FAIM2: variants seen among roughly 807,000 people sequenced by gnomAD.
The protein encoded by FAIM2 is protein lifeguard 2.
FAIM2 carries 27 observed loss-of-function variants against 47.4 expected under a neutral mutation model. That is an observed-to-expected ratio of 0.57 (90% CI 0.42 to 0.78). The LOEUF (loss-of-function observed/expected upper bound fraction) is 0.78, where lower values mean the gene tolerates loss of function less well. Among genes scored for constraint, FAIM2 ranks in the 30% least tolerant of loss-of-function variants. FAIM2 has a pLI of 0.00. For synonymous variants in FAIM2, 156 were observed against 159.3 expected (o/e 0.98, Z 0.16); for missense variants, 311 against 389.4 (o/e 0.80, Z 1.69).
At chr12:49,883,471 G>T (rs939408130) in intron 11 of FAIM2, among the ~76,000 whole-genome samples, 1 of 152,006 alleles carries the variant, frequency 6.6e-6, no homozygotes, top group Non-Finnish European at 1.5e-5. Context: ...GATGGGGAAG[G>T]CTTTGGGAAA....
intron 11 of FAIM2, among the ~76,000 whole-genome samples, chr12:49,886,903 G>A (rs539485792): frequency 1.3e-5 from 2 of 152,260 alleles, no homozygotes; most frequent in African/African-American, 2.4e-5. Flanking sequence ...TATCCTAACC[G>A]TAATCATCAT....
At chr12:49,880,393 TGTGA>T in intron 11 of FAIM2, among the ~76,000 whole-genome samples, 1 of 151,730 alleles carries the variant, frequency 6.6e-6, no homozygotes, top group Non-Finnish European at 1.5e-5. Context: ...TATGTGTGCA[TGTGA>T]GTGTATGTAT....
intron 11 of FAIM2, among the ~76,000 whole-genome samples, chr12:49,880,398 GTGTA>G (rs1334984138): frequency 6.6e-5 from 10 of 151,686 alleles, no homozygotes; most frequent in East Asian, 3.9e-4. Context: ...GTGCATGTGA[GTGTA>G]TGTATGTGCA....
intron 11 of FAIM2, among the ~76,000 whole-genome samples, chr12:49,876,030 G>A (rs917661554): frequency 2.0e-5 from 3 of 152,178 alleles, no homozygotes; most frequent in Admixed American, 6.5e-5. Flanking sequence ...GCAGTAAGTG[G>A]AATAAAATAT....
In FAIM2 at chr12:49,878,716, G is replaced by A. The variant is rs529401504; in HGVS notation, c.802-8063C>T. Among the ~76,000 whole-genome samples, 355 of 100,572 alleles carry A rather than the reference G, an allele frequency of 3.5e-3. 37 individuals are homozygous for A. Among genetic ancestry groups the A allele is most frequent in the Non-Finnish European group, 2.9e-3 (169 of 58,162 alleles). The allele number at this position is 100,572 out of a possible 152,430, so 66.0% of individuals were successfully genotyped here. ...TGTATGTGCATGTGTGCATATATGC[G>A]TGTGTGTCTGTGTGCATGTGAGTGT... On this transcript the variant is annotated intron_variant, in intron 11 of 11. Coordinates refer to ENST00000320634, the MANE Select transcript of FAIM2 (RefSeq NM_012306.4).
chr12:49,874,713 C>T lies in FAIM2; in HGVS notation c.802-4060G>A, dbSNP rs1946724353. Among the ~76,000 whole-genome samples the T allele has an allele frequency of 2.0e-5, 3 of 152,224 alleles. No individual in the cohort carries two copies. Among genetic ancestry groups the T allele is most frequent in the African/African-American group, 7.2e-5 (3 of 41,462 alleles). The stretch of plus-strand genomic sequence containing the variant: ...AAGCTGGGGTTGCAATGTGTTGTAT[C>T]AGCATAAACAGTGCCACGTGGACTG... On this transcript the variant is annotated intron_variant, in intron 11 of 11. Coordinates refer to ENST00000320634, the MANE Select transcript of FAIM2 (RefSeq NM_012306.4). The surrounding 1 kb of genome is among the most constrained non-coding windows in gnomAD (Gnocchi z 4.2).
chr12:49,884,312 G>A (rs1302290001), intron 11 of FAIM2, among the ~76,000 whole-genome samples: 1 of 152,064 alleles, frequency 6.6e-6, no homozygotes, highest in Non-Finnish European at 1.5e-5. Context: ...AGAGAGGGAG[G>A]AGAGCCACTG....
At chr12:49,888,506 G>A (rs898484549) in intron 10 of FAIM2, among the ~76,000 whole-genome samples, 4 of 152,176 alleles carry the variant, frequency 2.6e-5, no homozygotes, top group Non-Finnish European at 5.9e-5. Flanking sequence ...GCCTTCCTGT[G>A]ATGACCCCAA....
At chr12:49,900,180 C>T (rs1178447274) in intron 2 of FAIM2, 22 of 1,286,602 alleles carry the variant, frequency 1.7e-5, no homozygotes, top group Middle Eastern at 2.1e-4. Context: ...CAGTAGGTCA[C>T]GGTGGGGTGA....
intron 11 of FAIM2, among the ~76,000 whole-genome samples, chr12:49,885,218 C>T (rs1439559483): frequency 6.6e-6 from 1 of 152,190 alleles, no homozygotes; most frequent in Non-Finnish European, 1.5e-5. Flanking sequence ...TTCACCCAGC[C>T]CTACTTGCAT....
chr12:49,871,428 C>T (rs902805857), intron 11 of FAIM2, among the ~76,000 whole-genome samples: 1 of 152,082 alleles, frequency 6.6e-6, no homozygotes, highest in African/African-American at 2.4e-5. Flanking sequence ...TCTGAGACAG[C>T]GCTGTGTCAC....
chr12:49,879,119 T>C lies in FAIM2; in HGVS notation c.801+8267A>G, dbSNP rs1946775814. 1.5e-5 allele frequency among the ~76,000 whole-genome samples: 2 copies of C among 137,398 alleles called. 1 individual carries two copies. Among genetic ancestry groups the C allele is most frequent in the Non-Finnish European group, 3.1e-5 (2 of 64,548 alleles). 90.1% of individuals were successfully genotyped at this position (137,398 alleles called of 152,430 possible). A position where few individuals can be genotyped will look rare whatever the true frequency, so the allele number is the denominator to read the frequency against. ...ATGTGAGTGTATGTATGTGCATGTG[T>C]ATATGTGCATATCTCTGCATGTTTG... is the stretch of plus-strand genomic sequence containing the variant. On this transcript the variant is annotated intron_variant, in intron 11 of 11. Coordinates refer to ENST00000320634, the MANE Select transcript of FAIM2 (RefSeq NM_012306.4).
chr12:49,890,465 A>G (rs530852330), intron 7 of FAIM2, among the ~76,000 whole-genome samples: 2 of 152,350 alleles, frequency 1.3e-5, no homozygotes, highest in South Asian at 4.1e-4. Flanking sequence ...TTCACAATGA[A>G]AAAAGACAGT....
chr12:49,891,072 A>G lies in FAIM2; in HGVS notation c.477T>C (p.Ser159=), dbSNP rs561302066. ...TCAAGCCATTAGCATACCTGGGTCC[A>G]GAACAGCAAGCCAGGGTCAGGTAGG... ...FATYLTLACC[S]GPRRHFPWNL... Residue 159 remains serine (S), a synonymous_variant, in exon 6 of 12, where the codon TCT becomes TCC. Transcript: ENST00000320634. 1 of 1,614,194 alleles carries G rather than the reference A, an allele frequency of 6.2e-7. No individual in the cohort carries two copies. Among genetic ancestry groups the G allele is most frequent in the South Asian group, 1.1e-5 (1 of 91,082 alleles).
intron 2 of FAIM2, chr12:49,900,095 A>T: frequency 1.4e-6 from 1 of 715,712 alleles, no homozygotes; most frequent in Non-Finnish European, 2.1e-6. Flanking sequence ...AGGGGAAAAG[A>T]GAGGGAAAGT....
intron 7 of FAIM2, 60 bp from the exon 8 acceptor site, chr12:49,890,214 C>G: frequency 1.4e-5 from 21 of 1,545,690 alleles, no homozygotes; most frequent in Non-Finnish European, 1.9e-5. Flanking sequence ...CCCAGGCACC[C>G]TCGAGGTCCA....
chr12:49,875,042 C>T (rs530308063), intron 11 of FAIM2, among the ~76,000 whole-genome samples: 1 of 152,178 alleles, frequency 6.6e-6, no homozygotes, highest in African/African-American at 2.4e-5. Context: ...AGAGATAATT[C>T]ATGGTTCCTG....
intron 10 of FAIM2, 64 bp downstream of exon 10, chr12:49,889,043 G>T: frequency 8.3e-7 from 1 of 1,208,560 alleles, no homozygotes; most frequent in Non-Finnish European, 1.2e-6. Flanking sequence ...GGGAGGGAAC[G>T]GCACCTTGGG....
chr12:49,887,544 G>T, intron 10 of FAIM2, 105 bp from the exon 11 acceptor site: 1 of 988,632 alleles, frequency 1.0e-6, no homozygotes, highest in Non-Finnish European at 1.6e-6. Context: ...GGGTAGCCCT[G>T]CCCAGAGCTC....
Sources: allele counts gnomAD v4.1 joint callset (sites outside exome capture counted in the v4.1 genomes callset), GRCh38; gene constraint gnomAD v4.1.1; non-coding constraint Gnocchi (gnomAD v3.1); transcripts MANE v1.5; gene names NCBI Gene and HGNC (gene_info 2026-07-23, HGNC 2026-07-21).